PDCD6IP: variants seen among roughly 807,000 people sequenced by gnomAD.
PDCD6IP encodes programmed cell death 6-interacting protein.
In PDCD6IP, 43 loss-of-function variants were observed where a neutral mutation model predicts 103.7. That is an observed-to-expected ratio of 0.41 (90% CI 0.32 to 0.53). The LOEUF is 0.53. PDCD6IP is among the 20% of genes least tolerant of loss of function. The probability of loss-of-function intolerance (pLI) is 0.16; values close to 1 mark genes in which losing one functional copy is unlikely to be tolerated. For missense variants in PDCD6IP, 871 were observed against 1,036.7 expected, an observed-to-expected ratio of 0.84 and a Z score of 2.20; for synonymous variants, 354 against 378.7, an observed-to-expected ratio of 0.93 and a Z score of 0.76.
At chr3:33,841,472 T>C (rs1335634255) in intron 9 of PDCD6IP, among the ~76,000 whole-genome samples, 2 of 134,266 alleles carry the variant, frequency 1.5e-5, no homozygotes, top group Non-Finnish European at 3.1e-5. Flanking sequence ...GGAGTTTCGC[T>C]GTGTTGCCCA....
intron 3 of PDCD6IP, among the ~76,000 whole-genome samples, chr3:33,821,522 A>G (rs1322805455): frequency 6.6e-6 from 1 of 152,060 alleles, no homozygotes; most frequent in Non-Finnish European, 1.5e-5. Context: ...GCATAAGGCC[A>G]GCTAGGAGGT....
intron 8 of PDCD6IP, among the ~76,000 whole-genome samples, chr3:33,837,890 T>C (rs1697385617): frequency 6.6e-6 from 1 of 152,140 alleles, no homozygotes; most frequent in African/African-American, 2.4e-5. Flanking sequence ...TCCCGGCCCC[T>C]CATTCAGTTT....
At position 33,804,057 on chromosome 3, in the gene PDCD6IP, C is replaced by T. The variant is rs185012194; in HGVS notation, c.209+5120C>T. Among the ~76,000 whole-genome samples, 34 of 152,232 alleles carry T rather than the reference C, an allele frequency of 2.2e-4. No individual in the cohort carries two copies. In the East Asian group the frequency reaches 2.7e-3, roughly 12 times the overall value. On this transcript the variant is annotated intron_variant, in intron 1 of 17. Coordinates refer to ENST00000307296, the MANE Select transcript of PDCD6IP (RefSeq NM_013374.6). ...ACTTCATAACTGTTGTTTGGATTCTCGTTGTTGGTTTGGTGGTGAACATAC... is the reference window on the plus strand; with the variant it reads ...ACTTCATAACTGTTGTTTGGATTCTTGTTGTTGGTTTGGTGGTGAACATAC...
Position 33,867,348 on chromosome 3 carries a change from T to G in PDCD6IP, c.*823T>G, listed in dbSNP as rs1413820440. 1 of 152,204 alleles carries G rather than the reference T, an allele frequency of 6.6e-6. No homozygotes were observed. Among genetic ancestry groups the G allele is most frequent in the African/African-American group, 2.4e-5 (1 of 41,472 alleles). The allele number at this position is 152,204 out of a possible 1,614,324, so 9.4% of individuals were successfully genotyped here. A position where few individuals can be genotyped will look rare whatever the true frequency, so the allele number is the denominator to read the frequency against. ...TTCTCCAGAAAATTGATGCAAATTC[T>G]GGTAATAATTCTTGCATTTTTTCCC... On this transcript the variant is annotated 3_prime_UTR_variant, in exon 18 of 18. Transcript: ENST00000307296.
chr3:33,814,943 C>G (rs184320566), intron 3 of PDCD6IP, among the ~76,000 whole-genome samples: 1 of 144,922 alleles, frequency 6.9e-6, no homozygotes, highest in Admixed American at 7.0e-5. Flanking sequence ...TGTATATATA[C>G]ACATGCATTA....
At chr3:33,822,162 A>G in intron 4 of PDCD6IP, 80 bp downstream of exon 4, 1 of 1,409,390 alleles carries the variant, frequency 7.1e-7, no homozygotes, top group Non-Finnish European at 9.9e-7. Flanking sequence ...TTAGGTTTAT[A>G]GATACTTCTT....
rs1295505562 is a variant in PDCD6IP at position 33,829,250 on chromosome 3, TG to T, written c.834+282del. Reference sequence around the variant, plus strand: ...TTAATTGCCATCTCCAGATTGTTTTTGTCTTTAGACTTTACTGCATGGTTTT... The same window carrying T: ...TTAATTGCCATCTCCAGATTGTTTTTTCTTTAGACTTTACTGCATGGTTTT... On this transcript the variant is annotated intron_variant, in intron 7 of 17. Transcript: ENST00000307296. Among the ~76,000 whole-genome samples the T allele has an allele frequency of 3.3e-5, 5 of 152,224 alleles. No homozygotes were observed. The East Asian group carries it at 9.6e-4, about 29-fold the overall frequency.
chr3:33,825,419 T>C, intron 5 of PDCD6IP, 79 bp downstream of exon 5: 2 of 1,242,594 alleles, frequency 1.6e-6, no homozygotes, highest in Non-Finnish European at 1.1e-6. Context: ...TAGAATATAA[T>C]ATGTTCAATG....
intron 4 of PDCD6IP, among the ~76,000 whole-genome samples, chr3:33,822,414 TA>T (rs1302473715): frequency 3.3e-5 from 5 of 152,002 alleles, no homozygotes; most frequent in East Asian, 1.9e-4. Context: ...ATTACCTAAT[TA>T]AAAAAAATTT....
intron 14 of PDCD6IP, 52 bp downstream of exon 14, chr3:33,854,065 C>A: frequency 6.7e-7 from 1 of 1,503,302 alleles, no homozygotes; most frequent in Non-Finnish European, 8.8e-7. Flanking sequence ...GATGTGAACG[C>A]ATAGTTTGGA....
intron 12 of PDCD6IP, among the ~76,000 whole-genome samples, chr3:33,851,275 G>A (rs1697707452): frequency 6.6e-6 from 1 of 151,116 alleles, no homozygotes; most frequent in African/African-American, 2.4e-5. Context: ...GAGCATCATT[G>A]GGGCAAGCAG....
At chr3:33,803,121 C>T (rs947707468) in intron 1 of PDCD6IP, among the ~76,000 whole-genome samples, 2 of 152,130 alleles carry the variant, frequency 1.3e-5, no homozygotes, top group Admixed American at 1.3e-4. Context: ...ACATCTTTTA[C>T]ATTTTTAAAT....
intron 12 of PDCD6IP, among the ~76,000 whole-genome samples, chr3:33,850,892 C>T: frequency 6.6e-6 from 1 of 152,070 alleles, no homozygotes. Context: ...TTCCCTCCCT[C>T]CCTTTCTCCT....
intron 1 of PDCD6IP, among the ~76,000 whole-genome samples, chr3:33,800,550 C>T (rs531406277): frequency 1.3e-5 from 2 of 152,252 alleles, no homozygotes; most frequent in South Asian, 2.1e-4. Flanking sequence ...ATTAAGACCC[C>T]TTGGTGTCAA....
chr3:33,868,888 G>A lies in PDCD6IP; in HGVS notation c.*2363G>A, dbSNP rs1280274925. The A allele has an allele frequency of 6.6e-6, 1 of 152,152 alleles. No homozygotes were observed. Among genetic ancestry groups the A allele is most frequent in the East Asian group, 1.9e-4 (1 of 5,196 alleles). The allele number at this position is 152,152 out of a possible 1,614,324, so 9.4% of individuals were successfully genotyped here. A position where few individuals can be genotyped will look rare whatever the true frequency, so the allele number is the denominator to read the frequency against. On this transcript the variant is annotated 3_prime_UTR_variant, in exon 18 of 18. Transcript: ENST00000307296. Reference sequence around the variant, plus strand: ...ACACTGTCTAATTTTTATCAGTCTGGTATAAAGTATTGATCTAAGAGAACT... The same window carrying A: ...ACACTGTCTAATTTTTATCAGTCTGATATAAAGTATTGATCTAAGAGAACT...
chr3:33,832,026 T>TA (rs543497887), intron 7 of PDCD6IP, among the ~76,000 whole-genome samples: 2 of 152,276 alleles, frequency 1.3e-5, no homozygotes, highest in East Asian at 1.9e-4. Flanking sequence ...AATGCTACAG[T>TA]AAAAAATCAC....
At chr3:33,799,741 G>GTA (rs1696427023) in intron 1 of PDCD6IP, among the ~76,000 whole-genome samples, 2 of 152,272 alleles carry the variant, frequency 1.3e-5, no homozygotes, top group South Asian at 4.1e-4. Context: ...TCTCCGTATA[G>GTA]TATATTCTAC....
intron 16 of PDCD6IP, among the ~76,000 whole-genome samples, chr3:33,864,549 A>G (rs184992257): frequency 6.1e-4 from 93 of 152,336 alleles, no homozygotes; most frequent in African/African-American, 1.9e-3. Flanking sequence ...CAAATGCAGT[A>G]TATGAACTTT....
intron 1 of PDCD6IP, among the ~76,000 whole-genome samples, chr3:33,807,939 T>C (rs1696633756): frequency 6.6e-6 from 1 of 152,260 alleles, no homozygotes; most frequent in Non-Finnish European, 1.5e-5. Context: ...CTTTAGGCGT[T>C]GTTGCCTCAG....
Sources: allele counts gnomAD v4.1 joint callset (sites outside exome capture counted in the v4.1 genomes callset), GRCh38; gene constraint gnomAD v4.1.1; transcripts MANE v1.5; gene names NCBI Gene and HGNC (gene_info 2026-07-23, HGNC 2026-07-21).